PPP2R5C: variants seen among roughly 807,000 people sequenced by gnomAD.
The protein encoded by PPP2R5C is serine/threonine-protein phosphatase 2A 56 kDa regulatory subunit gamma isoform.
Under a neutral mutation model 68.9 loss-of-function variants are expected in PPP2R5C, and 7 were observed. The observed-to-expected ratio is 0.10, with a 90% confidence interval of 0.06 to 0.19. The LOEUF (loss-of-function observed/expected upper bound fraction) is 0.19. Among genes scored for constraint, PPP2R5C ranks in the 10% least tolerant of loss-of-function variants. PPP2R5C has a pLI of 1.00. For synonymous variants in PPP2R5C, 210 were observed against 222.2 expected (o/e 0.95, Z 0.49); for missense variants, 348 against 641.3 (o/e 0.54, Z 4.94).
At chr14:101,867,670 C>T (rs887573221) in intron 2 of PPP2R5C, among the ~76,000 whole-genome samples, 1 of 151,556 alleles carries the variant, frequency 6.6e-6, no homozygotes, top group Non-Finnish European at 1.5e-5. Flanking sequence ...CCCAGCTACT[C>T]GGGAGGCTGA....
At chr14:101,812,781 G>A (rs2039442830) in intron 1 of PPP2R5C, among the ~76,000 whole-genome samples, 1 of 152,188 alleles carries the variant, frequency 6.6e-6, no homozygotes, top group African/African-American at 2.4e-5. Context: ...CAGGGGCTAT[G>A]GCCCAGCTTT....
At chr14:101,814,529 A>G (rs2039547762) in intron 1 of PPP2R5C, among the ~76,000 whole-genome samples, 1 of 152,172 alleles carries the variant, frequency 6.6e-6, no homozygotes, top group African/African-American at 2.4e-5. Flanking sequence ...TCCCTCATCC[A>G]TACGCTCTCA....
At chr14:101,819,809 A>G (rs2039939851) in intron 1 of PPP2R5C, 1 of 152,378 alleles carries the variant, frequency 6.6e-6, no homozygotes, top group Non-Finnish European at 1.5e-5. Context: ...GTTTTGGTAG[A>G]GCTGGGGTCT....
intron 2 of PPP2R5C, among the ~76,000 whole-genome samples, chr14:101,867,408 C>CA (rs921828748): frequency 3.6e-4 from 51 of 141,778 alleles, no homozygotes; most frequent in Non-Finnish European, 5.5e-4. Flanking sequence ...GACTCTGCCT[C>CA]AAAAAAAAAA....
chr14:101,760,693 G>A, upstream of PPP2R5C: 1 of 954,712 alleles, frequency 1.0e-6, no homozygotes, highest in South Asian at 5.1e-5. Context: ...GGATGGGCGG[G>A]ACCTCGCGGG....
At chr14:101,909,256 A>G (rs2046252058) in intron 10 of PPP2R5C, among the ~76,000 whole-genome samples, 1 of 152,238 alleles carries the variant, frequency 6.6e-6, no homozygotes, top group African/African-American at 2.4e-5. Flanking sequence ...AAGTATTGCC[A>G]TTATTGTCCT....
intron 8 of PPP2R5C, among the ~76,000 whole-genome samples, chr14:101,900,114 T>C (rs1944869987): frequency 6.6e-6 from 1 of 152,178 alleles, no homozygotes; most frequent in Non-Finnish European, 1.5e-5. Flanking sequence ...CTCGAACTCC[T>C]GGGCTCAAGC....
At chr14:101,830,725 G>A (rs2040685996) in intron 1 of PPP2R5C, among the ~76,000 whole-genome samples, 1 of 152,144 alleles carries the variant, frequency 6.6e-6, no homozygotes, top group South Asian at 2.1e-4. Flanking sequence ...TCAAATATAA[G>A]ATACTGGGGT....
Position 101,883,243 on chromosome 14 carries a change from T to G in PPP2R5C, c.406-14T>G. The G allele has an allele frequency of 6.7e-7, 1 of 1,499,668 alleles. No homozygotes were observed. The highest frequency in any genetic ancestry group is 9.1e-7 in the Non-Finnish European group (1 of 1,100,814). The allele number at this position is 1,499,668 out of a possible 1,614,324, so 92.9% of individuals were successfully genotyped here. On this transcript the variant is annotated splice_polypyrimidine_tract_variant and intron_variant, in intron 3 of 13. Transcript: ENST00000334743. Reference sequence around the variant, plus strand: ...ATCTCATGTTATTTGACTCATTGTTTTTTTTCCTCCTAGCTTGTTTATGAA... The same window carrying G: ...ATCTCATGTTATTTGACTCATTGTTGTTTTTCCTCCTAGCTTGTTTATGAA...
chr14:101,761,779 C>T, upstream of PPP2R5C: 1 of 943,372 alleles, frequency 1.1e-6, no homozygotes, highest in Non-Finnish European at 1.2e-6. Flanking sequence ...GACTCAGTCC[C>T]CGGGCGGCGG....
intron 2 of PPP2R5C, among the ~76,000 whole-genome samples, chr14:101,874,878 T>G (rs1018662196): frequency 2.6e-5 from 4 of 152,154 alleles, no homozygotes; most frequent in Non-Finnish European, 5.9e-5. Context: ...TAGCTGGGAT[T>G]ACAGGCCTGT....
chr14:101,806,253 ACCCCCTGTCCCC>A, upstream of PPP2R5C, among the ~76,000 whole-genome samples: 1 of 142,884 alleles, frequency 7.0e-6, no homozygotes, highest in Admixed American at 6.9e-5. Flanking sequence ...ATGCTCTCCC[ACCCCCTGTCCCC>A]CACCCCCCGA....
chr14:101,925,089 G>C, intron 13 of PPP2R5C, 52 bp from the exon 16 acceptor site: 2 of 1,593,970 alleles, frequency 1.3e-6, no homozygotes, highest in East Asian at 4.5e-5. Flanking sequence ...AAGTAAGCTT[G>C]CTTTTCAGAT....
intron 1 of PPP2R5C, among the ~76,000 whole-genome samples, chr14:101,838,015 G>A (rs1161653055): frequency 6.6e-6 from 1 of 152,068 alleles, no homozygotes; most frequent in African/African-American, 2.4e-5. Context: ...AATGAGATAA[G>A]GTAATGGCTT....
In PPP2R5C at chr14:101,762,511, G is replaced by C. The variant is rs185718674; in HGVS notation, c.28-394G>C. Among the ~76,000 whole-genome samples, 28 of 152,252 alleles carry C rather than the reference G, an allele frequency of 1.8e-4. 1 individual carries two copies. In the East Asian group the frequency reaches 5.4e-3, roughly 29 times the overall value. ...GCAAGGGTGCTGCGTTTGCATTCGG[G>C]GGGGCGGGTATGTTTCTGCTTCAGG... is the stretch of plus-strand genomic sequence containing the variant. On this transcript the variant is annotated intron_variant, in intron 1 of 14. Coordinates refer to the PPP2R5C transcript ENST00000328724.
chr14:101,860,913 C>T (rs911800900), intron 2 of PPP2R5C, among the ~76,000 whole-genome samples: 1 of 152,124 alleles, frequency 6.6e-6, no homozygotes, highest in African/African-American at 2.4e-5. Context: ...CAGAGAGATG[C>T]GGGTGGTGAG....
intron 1 of PPP2R5C, among the ~76,000 whole-genome samples, chr14:101,850,120 T>C (rs2042066208): frequency 1.3e-5 from 2 of 150,182 alleles, no homozygotes; most frequent in African/African-American, 4.8e-5. Context: ...ATCAAATCAA[T>C]GGTTAGCTAG....
intron 8 of PPP2R5C, among the ~76,000 whole-genome samples, chr14:101,896,932 T>G (rs1367902591): frequency 1.3e-5 from 2 of 152,212 alleles, no homozygotes; most frequent in African/African-American, 4.8e-5. Flanking sequence ...AACTGGCTTT[T>G]GGGCTCTGCT....
At chr14:101,873,642 A>G (rs2043567595) in intron 2 of PPP2R5C, among the ~76,000 whole-genome samples, 1 of 152,140 alleles carries the variant, frequency 6.6e-6, no homozygotes, top group Non-Finnish European at 1.5e-5. Flanking sequence ...TAGTTTTCTC[A>G]CACAAATATG....
Sources: allele counts gnomAD v4.1 joint callset (sites outside exome capture counted in the v4.1 genomes callset), GRCh38; gene constraint gnomAD v4.1.1; transcripts MANE v1.5; gene names NCBI Gene and HGNC (gene_info 2026-07-23, HGNC 2026-07-21).